Variants in TTC32 observed in about 807,000 individuals in gnomAD.
TTC32 encodes the protein tetratricopeptide repeat protein 32.
TTC32 carries 16 observed loss-of-function variants against 15.3 expected under a neutral mutation model. The ratio of observed to expected loss-of-function variants is 1.05; its 90% CI spans 0.71 to 1.59. The LOEUF is 1.59. Ranked by LOEUF, TTC32 falls within the 40% of genes most tolerant of loss-of-function variation. The pLI, the probability that TTC32 is intolerant of heterozygous loss-of-function variation, is 0.00. For synonymous variants in TTC32, 89 were observed against 67.8 expected (o/e 1.31, Z -1.53); for missense variants, 188 against 181.9 (o/e 1.03, Z -0.19).
At chr2:19,899,352 T>C (rs1669564002) in intron 1 of TTC32, among the ~76,000 whole-genome samples, 1 of 152,176 alleles carries the variant, frequency 6.6e-6, no homozygotes, top group African/African-American at 2.4e-5. Flanking sequence ...AAAAAAGCAA[T>C]CTCAGGATGC....
rs189308857 is a variant in TTC32, at chr2:19,900,114, T to C, written c.149+1592A>G. 2.6e-5 allele frequency among the ~76,000 whole-genome samples: 4 copies of C among 152,342 alleles called. No individual in the cohort carries two copies. The East Asian group carries it at 7.7e-4, about 29-fold the overall frequency. On this transcript the variant is annotated intron_variant, in intron 1 of 2. Coordinates refer to ENST00000333610, the MANE Select transcript of TTC32 (RefSeq NM_001008237.3). ...CTGTGCTGGTAAGGCATAGCTATTA[T>C]ATATGCTACAGACACTTGTGTTCTT...
intron 1 of TTC32, chr2:19,901,057 C>CA (rs1453734889): frequency 8.5e-6 from 4 of 471,064 alleles, no homozygotes; most frequent in Non-Finnish European, 1.8e-5. Context: ...ATGGTTCCAA[C>CA]ACTGACGACT....
intron 1 of TTC32, chr2:19,901,422 G>T: frequency 2.5e-6 from 1 of 398,314 alleles, no homozygotes. Flanking sequence ...GAGAGGCGGC[G>T]GCCCGCGCCC....
intron 1 of TTC32, 88 bp downstream of exon 1, chr2:19,901,618 G>C: frequency 1.3e-6 from 2 of 1,507,640 alleles, no homozygotes; most frequent in Non-Finnish European, 1.8e-6. Flanking sequence ...CGCCGACCGT[G>C]AGCTCCAGAG....
Position 19,896,814 on chromosome 2 carries a change from A to G in TTC32, c.*173T>C. 2.7e-6 allele frequency: 1 copy of G among 369,270 alleles called. No individual in the cohort carries two copies. Among genetic ancestry groups the G allele is most frequent in the Admixed American group, 4.8e-5 (1 of 20,758 alleles). 22.9% of individuals were successfully genotyped at this position (369,270 alleles called of 1,614,324 possible). A position where few individuals can be genotyped will look rare whatever the true frequency, so the allele number is the denominator to read the frequency against. ...TATACATTGGTATTATTTACACTTCATTAAAAAAAACCCATTCAACCTGAA... is the reference window on the plus strand; with the variant it reads ...TATACATTGGTATTATTTACACTTCGTTAAAAAAAACCCATTCAACCTGAA... On this transcript the variant is annotated 3_prime_UTR_variant, in exon 3 of 3. Coordinates refer to ENST00000333610, the MANE Select transcript of TTC32 (RefSeq NM_001008237.3).
Position 19,896,809 on chromosome 2 carries a change from AC to A in TTC32, c.*177del. On this transcript the variant is annotated 3_prime_UTR_variant, in exon 3 of 3. Transcript: ENST00000333610. ...ACACTTATACATTGGTATTATTTAC[AC>A]TTCATTAAAAAAAACCCATTCAACC... The A allele has an allele frequency of 2.9e-6, 1 of 339,856 alleles. No individual in the cohort carries two copies. The highest frequency in any genetic ancestry group is 7.4e-5 in the South Asian group (1 of 13,482). The allele number at this position is 339,856 out of a possible 1,614,324, so 21.1% of individuals were successfully genotyped here. A position where few individuals can be genotyped will look rare whatever the true frequency, so the allele number is the denominator to read the frequency against.
intron 1 of TTC32, among the ~76,000 whole-genome samples, chr2:19,900,210 C>T (rs991621742): frequency 3.9e-5 from 6 of 152,202 alleles, no homozygotes; most frequent in Admixed American, 3.9e-4. Context: ...CTGATAAATA[C>T]TTTTTAAAAT....
At chr2:19,897,159 A>C in intron 2 of TTC32, 33 bp from the exon 3 acceptor site, 1 of 1,572,848 alleles carries the variant, frequency 6.4e-7, no homozygotes, top group South Asian at 1.2e-5. Flanking sequence ...GAAAAGAGAA[A>C]AGAAACCGAG....
At chr2:19,901,668 C>G (rs374957467) in intron 1 of TTC32, 38 bp downstream of exon 1, 14 of 1,596,414 alleles carry the variant, frequency 8.8e-6, no homozygotes, top group South Asian at 6.7e-5. Flanking sequence ...GTCGCCTCCA[C>G]CCGGGGTCGC....
chr2:19,901,848 C>G lies in TTC32; in HGVS notation c.7G>C (p.Gly3Arg), dbSNP rs200522057. The change falls in exon 1 of 3, where the codon GGA (glycine) becomes CGA (arginine). Residue 3 changes from glycine (G) to arginine (R), a missense_variant. Coordinates refer to ENST00000333610, the MANE Select transcript of TTC32 (RefSeq NM_001008237.3). ME[G>R]QRQESHATLT... ...GTTGCGTGGCTTTCTTGCCGCTGTCCTTCCATAGCAGCCAAGGCCTAGTTT... is the reference window on the plus strand; with the variant it reads ...GTTGCGTGGCTTTCTTGCCGCTGTCGTTCCATAGCAGCCAAGGCCTAGTTT... The G allele has an allele frequency of 1.2e-6, 2 of 1,614,082 alleles. No individual in the cohort carries two copies. The highest frequency in any genetic ancestry group is 1.7e-5 in the Admixed American group (1 of 60,026).
chr2:19,901,807 C>T lies in TTC32; in HGVS notation c.48G>A (p.Gln16=). The T allele has an allele frequency of 4.3e-6, 7 of 1,614,230 alleles. No homozygotes were observed. Among genetic ancestry groups the T allele is most frequent in the Non-Finnish European group, 5.9e-6 (7 of 1,180,028 alleles). ...QESHATLTLA[Q]AHFNNGEYAE... ...CGTACTCTCCATTGTTGAAATGAGC[C>T]TGGGCGAGTGTTAGGGTTGCGTGGC... is the stretch of plus-strand genomic sequence containing the variant. Residue 16 remains glutamine, a synonymous_variant, in exon 1 of 3, where the codon CAG becomes CAA. Transcript: ENST00000333610.
At chr2:19,901,523 C>T in intron 1 of TTC32, 183 bp downstream of exon 1, 2 of 754,904 alleles carry the variant, frequency 2.6e-6, no homozygotes, top group Non-Finnish European at 4.0e-6. Context: ...CCGCGTTCTC[C>T]GCCGCCCTCG....
intron 1 of TTC32, 114 bp downstream of exon 1, chr2:19,901,592 G>A (rs1669604855): frequency 6.4e-6 from 9 of 1,400,630 alleles, no homozygotes; most frequent in Middle Eastern, 2.6e-4. Flanking sequence ...CAGTCCTAGT[G>A]CTGGGTTATG....
Position 19,897,853 on chromosome 2 carries a change from G to GA in TTC32, c.316+15dup. ...TACAGTCAATGACAAAACTCAAAAA[G>GA]AAAAAAAATTCTTACCCAGCCTATA... On this transcript the variant is annotated intron_variant, in intron 2 of 2. Transcript: ENST00000333610. The GA allele has an allele frequency of 2.3e-5, 34 of 1,470,666 alleles. No individual in the cohort carries two copies. The highest frequency in any genetic ancestry group is 1.2e-4 in the East Asian group (5 of 41,640). 91.1% of individuals were successfully genotyped at this position (1,470,666 alleles called of 1,614,324 possible).
intron 1 of TTC32, among the ~76,000 whole-genome samples, chr2:19,898,864 A>T (rs141058758): frequency 4.4e-4 from 67 of 152,374 alleles, no homozygotes; most frequent in African/African-American, 1.6e-3. Flanking sequence ...TAGTCTGCAC[A>T]GAGAACATTA....
In TTC32 at chr2:19,896,993, AT is replaced by A; in HGVS notation, c.449del (p.Asn150IlefsTer20). On this transcript the variant is annotated frameshift_variant, in exon 3 of 3. Transcript: ENST00000333610. LOFTEE classifies it high-confidence loss of function. ...EEKQRRNVAKNY is the reference protein window; with the variant it reads ...EEKQRRNVAKXY The stretch of plus-strand genomic sequence containing the variant: ...TTCCATTAAGTTAAAAATATCAATA[AT>A]TTTTTGCAACATTTCTTCTTTGTTT... The A allele has an allele frequency of 6.3e-7, 1 of 1,580,882 alleles. No homozygotes were observed. The highest frequency in any genetic ancestry group is 8.6e-7 in the Non-Finnish European group (1 of 1,163,106).
intron 1 of TTC32, among the ~76,000 whole-genome samples, chr2:19,898,946 C>A (rs1024584384): frequency 6.6e-6 from 1 of 152,188 alleles, no homozygotes; most frequent in South Asian, 2.1e-4. Flanking sequence ...CAAATTAGAA[C>A]CAAACAGAGA....
In TTC32 at chr2:19,901,912, GT is replaced by G; in HGVS notation, c.-59del. 1.2e-6 allele frequency: 2 copies of G among 1,601,016 alleles called. No individual in the cohort carries two copies. The highest frequency in any genetic ancestry group is 1.7e-6 in the Non-Finnish European group (2 of 1,171,772). Reference sequence around the variant, plus strand: ...GGGGTTGACCTCCGAGCGGTTAGAGGTGGCACCACAAAGCCACTTCCACACC... The same window carrying G: ...GGGGTTGACCTCCGAGCGGTTAGAGGGGCACCACAAAGCCACTTCCACACC... On this transcript the variant is annotated 5_prime_UTR_variant, in exon 1 of 3. Coordinates refer to ENST00000333610, the MANE Select transcript of TTC32 (RefSeq NM_001008237.3).
At chr2:19,898,220 T>G in intron 1 of TTC32, 185 bp from the exon 2 acceptor site, 1 of 518,928 alleles carries the variant, frequency 1.9e-6, no homozygotes, top group African/African-American at 1.9e-5. Context: ...AACCCTGTTA[T>G]CTACTTTTGT....
Sources: allele counts gnomAD v4.1 joint callset (sites outside exome capture counted in the v4.1 genomes callset), GRCh38; gene constraint gnomAD v4.1.1; transcripts MANE v1.5; gene names NCBI Gene and HGNC (gene_info 2026-07-23, HGNC 2026-07-21).